MYO1E: variants seen among roughly 807,000 people sequenced by gnomAD.
MYO1E encodes unconventional myosin-Ie.
A neutral mutation model predicts 151.1 loss-of-function variants in MYO1E; 68 were observed. That is an observed-to-expected ratio of 0.45 (90% CI 0.37 to 0.55). The LOEUF (loss-of-function observed/expected upper bound fraction) is 0.55. MYO1E is among the 20% of genes least tolerant of loss of function. The pLI, the probability that MYO1E is intolerant of heterozygous loss-of-function variation, is 0.00. For synonymous variants in MYO1E, 601 were observed against 501.7 expected (o/e 1.20, Z -2.64); for missense variants, 1,363 against 1,389.3 (o/e 0.98, Z 0.30).
chr15:59,206,677 C>G, intron 14 of MYO1E: 1 of 478,308 alleles, frequency 2.1e-6, no homozygotes, highest in Non-Finnish European at 3.7e-6. Flanking sequence ...AGCATGTCAA[C>G]TATTGATAAT....
intron 9 of MYO1E, among the ~76,000 whole-genome samples, chr15:59,220,811 C>G (rs2079949869): frequency 6.6e-6 from 1 of 150,956 alleles, no homozygotes; most frequent in Non-Finnish European, 1.5e-5. Context: ...AAAGGACAGC[C>G]AGGTGCAGTG....
At chr15:59,326,239 G>A (rs2080663222) in intron 1 of MYO1E, among the ~76,000 whole-genome samples, 1 of 152,148 alleles carries the variant, frequency 6.6e-6, no homozygotes, top group African/African-American at 2.4e-5. Context: ...AATTGGGTGG[G>A]ACGGGCATGG....
At chr15:59,290,443 T>C (rs1447641855) in intron 1 of MYO1E, among the ~76,000 whole-genome samples, 1 of 152,194 alleles carries the variant, frequency 6.6e-6, no homozygotes, top group Admixed American at 6.5e-5. Flanking sequence ...GCACAGGAGA[T>C]GCCTCAGCAA....
rs1020032831 is a variant in MYO1E, at chr15:59,172,272, G to A, written c.2335-230C>T. Among the ~76,000 whole-genome samples the A allele has an allele frequency of 3.9e-5, 6 of 152,152 alleles. No homozygotes were observed. The East Asian group carries it at 5.8e-4, about 15-fold the overall frequency. Reference sequence around the variant, plus strand: ...CTTGGGAGGCTGAGGCAGGAGAATCGCTTTAACCTGGGAGGTGGAGGTTGC... The same window carrying A: ...CTTGGGAGGCTGAGGCAGGAGAATCACTTTAACCTGGGAGGTGGAGGTTGC... On this transcript the variant is annotated intron_variant, in intron 21 of 27. Transcript: ENST00000288235.
intron 22 of MYO1E, among the ~76,000 whole-genome samples, chr15:59,165,293 A>C (rs2079557694): frequency 6.6e-6 from 1 of 152,188 alleles, no homozygotes; most frequent in Non-Finnish European, 1.5e-5. Flanking sequence ...CACTGGAAGC[A>C]AGAGGCCAGT....
intron 3 of MYO1E, among the ~76,000 whole-genome samples, chr15:59,259,605 G>A (rs1429737584): frequency 5.9e-5 from 9 of 152,170 alleles, no homozygotes; most frequent in Admixed American, 2.0e-4. Flanking sequence ...AGGACTGTAA[G>A]AAAGACACGA....
At chr15:59,355,890 T>C (rs1402748846) in intron 1 of MYO1E, among the ~76,000 whole-genome samples, 1 of 152,062 alleles carries the variant, frequency 6.6e-6, no homozygotes, top group African/African-American at 2.4e-5. Flanking sequence ...TAATTTTCGT[T>C]TATTTTTTTG....
At position 59,350,817 on chromosome 15, in the gene MYO1E, T is replaced by A. The variant is rs1490979660; in HGVS notation, c.3+21681A>T. Among the ~76,000 whole-genome samples, 1 of 152,200 alleles carries A rather than the reference T, an allele frequency of 6.6e-6. No homozygotes were observed. Among genetic ancestry groups the A allele is most frequent in the Non-Finnish European group, 1.5e-5 (1 of 68,022 alleles). On this transcript the variant is annotated intron_variant, in intron 1 of 27. Transcript: ENST00000288235. This position sits in a 1 kb window ranked among gnomAD's most constrained non-coding sequence, Gnocchi z 5.0. ...GGCCACAATTTGGAGAAGGGAATGA[T>A]CTCCACGAGTTAAATCAGAGGCTTC...
chr15:59,194,707 G>C (rs745488321), intron 17 of MYO1E, among the ~76,000 whole-genome samples: 1 of 152,160 alleles, frequency 6.6e-6, no homozygotes, highest in African/African-American at 2.4e-5. Flanking sequence ...TGGACAGTGG[G>C]ATCAGGCCTC....
intron 1 of MYO1E, among the ~76,000 whole-genome samples, chr15:59,323,998 C>T (rs555583861): frequency 1.3e-5 from 2 of 151,852 alleles, no homozygotes; most frequent in South Asian, 2.1e-4. Flanking sequence ...AAAACAAAAA[C>T]GGAATCCTCG....
At chr15:59,256,195 G>A in intron 4 of MYO1E, 89 bp downstream of exon 4, 2 of 985,252 alleles carry the variant, frequency 2.0e-6, no homozygotes, top group Non-Finnish European at 3.2e-6. Flanking sequence ...ATCAGTAGCT[G>A]TTGCAAAACC....
chr15:59,345,862 A>G (rs1359258849), intron 1 of MYO1E, among the ~76,000 whole-genome samples: 2 of 152,240 alleles, frequency 1.3e-5, no homozygotes, highest in African/African-American at 4.8e-5. Flanking sequence ...CTGCTTTCAC[A>G]TAAAACTTCC....
At chr15:59,214,867 C>T (rs1490350528) in intron 10 of MYO1E, 147 bp from the exon 11 acceptor site, 3 of 724,506 alleles carry the variant, frequency 4.1e-6, no homozygotes, top group African/African-American at 3.5e-5. Flanking sequence ...AGACTTGCTG[C>T]TTTAACAATC....
chr15:59,231,349 G>A (rs765193541), intron 6 of MYO1E, among the ~76,000 whole-genome samples: 1 of 152,166 alleles, frequency 6.6e-6, no homozygotes, highest in Non-Finnish European at 1.5e-5. Flanking sequence ...AATGATACCT[G>A]GGATACCCCT....
At chr15:59,315,885 T>C (rs374731574) in intron 1 of MYO1E, among the ~76,000 whole-genome samples, 150 of 152,364 alleles carry the variant, frequency 9.8e-4, no homozygotes, top group African/African-American at 3.2e-3. Context: ...AAGGTGGAAT[T>C]AGAGCACTAA....
chr15:59,216,640 C>T (rs1241110962), intron 10 of MYO1E, among the ~76,000 whole-genome samples: 1 of 22,270 alleles, frequency 4.5e-5, no homozygotes, highest in East Asian at 3.5e-4. Flanking sequence ...TCGAAGGGCC[C>T]CCAGTGTGTG....
At chr15:59,208,194 T>C (rs370941988) in intron 14 of MYO1E, 2 of 1,015,458 alleles carry the variant, frequency 2.0e-6, no homozygotes, top group Non-Finnish European at 1.4e-6. Context: ...AACAGGAAAG[T>C]AGGTAGAGTG....
intron 1 of MYO1E, among the ~76,000 whole-genome samples, chr15:59,286,882 A>G (rs1451351730): frequency 1.3e-5 from 2 of 152,090 alleles, no homozygotes; most frequent in African/African-American, 4.8e-5. Context: ...GTTTACAAAC[A>G]GAGATCTCAG....
At chr15:59,199,967 T>C (rs1432580306) in intron 16 of MYO1E, among the ~76,000 whole-genome samples, 2 of 152,184 alleles carry the variant, frequency 1.3e-5, no homozygotes, top group Non-Finnish European at 2.9e-5. Context: ...AGATTGTGCC[T>C]GGAGGTGGGA....
Sources: allele counts gnomAD v4.1 joint callset (sites outside exome capture counted in the v4.1 genomes callset), GRCh38; gene constraint gnomAD v4.1.1; non-coding constraint Gnocchi (gnomAD v3.1); transcripts MANE v1.5; gene names NCBI Gene and HGNC (gene_info 2026-07-23, HGNC 2026-07-21).